The following ERGIC1 variants were observed in gnomAD, a reference collection of about 807,000 sequenced individuals.
ERGIC1 encodes endoplasmic reticulum-Golgi intermediate compartment protein 1.
In ERGIC1, 19 loss-of-function variants were observed where a neutral mutation model predicts 38.3. The ratio of observed to expected loss-of-function variants is 0.50; its 90% confidence interval spans 0.35 to 0.73. The LOEUF is 0.73. ERGIC1 is among the 30% of genes least tolerant of loss of function. The pLI is 0.01. For missense variants in ERGIC1, 294 were observed against 389.2 expected (o/e 0.76, Z 2.06); for synonymous variants, 124 against 157.6 (o/e 0.79, Z 1.60).
At chr5:172,864,154 G>A (rs571912659) in intron 1 of ERGIC1, among the ~76,000 whole-genome samples, 7 of 151,334 alleles carry the variant, frequency 4.6e-5, no homozygotes, top group East Asian at 2.0e-4. Flanking sequence ...CTGAGATCAC[G>A]CCACTGCACT....
intron 1 of ERGIC1, among the ~76,000 whole-genome samples, chr5:172,852,663 G>A (rs1452797212): frequency 3.3e-5 from 5 of 152,222 alleles, no homozygotes; most frequent in Non-Finnish European, 4.4e-5. Context: ...TTCCTCTTGG[G>A]TCTGAACCTC....
chr5:172,860,089 T>C (rs1418042778), intron 1 of ERGIC1, among the ~76,000 whole-genome samples: 1 of 152,222 alleles, frequency 6.6e-6, no homozygotes, highest in African/African-American at 2.4e-5. Context: ...GTTCATTTCT[T>C]ATTCATTCTT....
At chr5:172,890,699 C>T (rs143401983) in intron 2 of ERGIC1, among the ~76,000 whole-genome samples, 7 of 152,348 alleles carry the variant, frequency 4.6e-5, no homozygotes, top group East Asian at 1.9e-4. Context: ...GATGGAGCCA[C>T]GACTCATACT....
chr5:172,948,917 T>C (rs890296081), intron 9 of ERGIC1, among the ~76,000 whole-genome samples: 1 of 152,018 alleles, frequency 6.6e-6, no homozygotes, highest in Admixed American at 6.6e-5. Context: ...TAGCCAGGCA[T>C]GGTGGCATCA....
intron 4 of ERGIC1, among the ~76,000 whole-genome samples, chr5:172,909,996 G>C (rs1763166232): frequency 1.3e-5 from 2 of 152,216 alleles, no homozygotes; most frequent in African/African-American, 4.8e-5. Context: ...GTGCAGGGAG[G>C]TGGGATGTCT....
intron 3 of ERGIC1, chr5:172,906,115 C>T (rs756804042): frequency 2.2e-6 from 1 of 456,272 alleles, no homozygotes; most frequent in Non-Finnish European, 4.4e-6. Flanking sequence ...TGCCTCTCTC[C>T]CTCCAGCTCC....
rs1365002723 is a variant in ERGIC1 at position 172,837,069 on chromosome 5, G to T, written c.20+2636G>T. On this transcript the variant is annotated intron_variant, in intron 1 of 9. Transcript: ENST00000393784. The surrounding 1 kb of genome is among the most constrained non-coding windows in gnomAD (Gnocchi z 4.3). Reference sequence around the variant, plus strand: ...TTTTAAGAATTGTGGGGAGTGGAGAGGGGTATACCGTGATTAGACCTCCTC... The same window carrying T: ...TTTTAAGAATTGTGGGGAGTGGAGATGGGTATACCGTGATTAGACCTCCTC... Among the ~76,000 whole-genome samples the T allele has an allele frequency of 1.3e-5, 2 of 152,134 alleles. No homozygotes were observed. Among genetic ancestry groups the T allele is most frequent in the Admixed American group, 1.3e-4 (2 of 15,282 alleles).
At chr5:172,867,542 C>T (rs1761898355) in intron 1 of ERGIC1, 1 of 446,244 alleles carries the variant, frequency 2.2e-6, no homozygotes, top group Non-Finnish European at 4.6e-6. Context: ...GCCAGGCAGG[C>T]CTTGGCTCAC....
At chr5:172,920,215 T>C in intron 5 of ERGIC1, 1 of 671,048 alleles carries the variant, frequency 1.5e-6, no homozygotes, top group Non-Finnish European at 2.8e-6. Flanking sequence ...GCCCAGCCAC[T>C]TTCCCTTTGA....
intron 1 of ERGIC1, chr5:172,866,960 A>C (rs1465637532): frequency 2.9e-6 from 1 of 344,008 alleles, no homozygotes; most frequent in African/African-American, 2.2e-5. Context: ...TGAATGCATG[A>C]AAAAATGCAT....
chr5:172,865,859 A>C (rs1322247765), intron 1 of ERGIC1, among the ~76,000 whole-genome samples: 1 of 152,066 alleles, frequency 6.6e-6, no homozygotes, highest in Non-Finnish European at 1.5e-5. Flanking sequence ...TTCATAGACT[A>C]TTTTGGACAT....
chr5:172,909,888 GGAGAA>G, intron 4 of ERGIC1, 127 bp downstream of exon 4: 1 of 842,328 alleles, frequency 1.2e-6, no homozygotes, highest in African/African-American at 1.7e-5. Flanking sequence ...CTTTTTTGGA[GGAGAA>G]TATAATTGCG....
At chr5:172,932,763 G>C in intron 8 of ERGIC1, 1 of 556,802 alleles carries the variant, frequency 1.8e-6, no homozygotes, top group Non-Finnish European at 3.2e-6. Context: ...CAGGAGATAG[G>C]GTGTGATGCG....
At chr5:172,877,361 A>C (rs954957264) in intron 1 of ERGIC1, among the ~76,000 whole-genome samples, 4 of 150,108 alleles carry the variant, frequency 2.7e-5, no homozygotes, top group African/African-American at 9.8e-5. Context: ...TATTTTCAGT[A>C]TATGGGTCTT....
chr5:172,947,912 G>GTGTGTGTGT (rs1287144217), intron 9 of ERGIC1, among the ~76,000 whole-genome samples: 4 of 144,552 alleles, frequency 2.8e-5, no homozygotes, highest in African/African-American at 1.0e-4. Flanking sequence ...GTGTGTGTGT[G>GTGTGTGTGT]GTTATTTTTT....
At chr5:172,935,379 T>C in intron 9 of ERGIC1, 69 bp downstream of exon 9, 6 of 1,603,588 alleles carry the variant, frequency 3.7e-6, no homozygotes, top group Non-Finnish European at 5.1e-6. Flanking sequence ...GCCCCTTTCC[T>C]TGGCACCCCT....
intron 3 of ERGIC1, chr5:172,905,511 G>A (rs1435357215): frequency 2.0e-5 from 9 of 454,528 alleles, no homozygotes; most frequent in Middle Eastern, 6.7e-4. Flanking sequence ...CGTGGGTCAC[G>A]GAAGAGAACT....
intron 1 of ERGIC1, among the ~76,000 whole-genome samples, chr5:172,851,372 G>A (rs143574596): frequency 1.9e-3 from 294 of 152,124 alleles, no homozygotes; most frequent in African/African-American, 6.4e-3. Flanking sequence ...AGCCGGGCAT[G>A]GTGGCATGCA....
intron 1 of ERGIC1, chr5:172,866,989 G>GGATGCAGATGGAGAT (rs763509544): frequency 2.6e-5 from 9 of 350,948 alleles, no homozygotes; most frequent in Non-Finnish European, 4.6e-5. Context: ...AAATGAAAGG[G>GGATGCAGATGGAGAT]GATGCAGATG....
Sources: allele counts gnomAD v4.1 joint callset (sites outside exome capture counted in the v4.1 genomes callset), GRCh38; gene constraint gnomAD v4.1.1; non-coding constraint Gnocchi (gnomAD v3.1); transcripts MANE v1.5; gene names NCBI Gene and HGNC (gene_info 2026-07-23, HGNC 2026-07-21).